The following SLC9C1 variants were observed in gnomAD, a reference collection of about 807,000 sequenced individuals.
SLC9C1 encodes sodium/hydrogen exchanger 10.
Under a neutral mutation model 140.9 loss-of-function variants are expected in SLC9C1, and 97 were observed. The observed-to-expected ratio is 0.69, with a 90% CI of 0.58 to 0.82. The LOEUF is 0.82. SLC9C1 is among the 40% of genes least tolerant of loss of function. SLC9C1 has a pLI of 0.00. For missense variants in SLC9C1, 1,340 were observed against 1,389.3 expected, an observed-to-expected ratio of 0.96 and a Z score of 0.56; for synonymous variants, 440 against 442.6, an observed-to-expected ratio of 0.99 and a Z score of 0.07.
At position 112,245,031 on chromosome 3, in the gene SLC9C1, C is replaced by G. The variant is rs548770160; in HGVS notation, c.1198-955G>C. Among the ~76,000 whole-genome samples, 4 of 152,304 alleles carry G rather than the reference C, an allele frequency of 2.6e-5. No homozygotes were observed. In the East Asian group the frequency reaches 7.7e-4, roughly 29 times the overall value. On this transcript the variant is annotated intron_variant, in intron 10 of 28. Transcript: ENST00000305815. The stretch of plus-strand genomic sequence containing the variant: ...CTACTCATATAACTCTCAATCCTAT[C>G]AAGATGCAAAATATCTCACATCCCC...
In SLC9C1 at chr3:112,236,212, C is replaced by T. The variant is rs141857672; in HGVS notation, c.1446+3628G>A. Among the ~76,000 whole-genome samples the T allele has an allele frequency of 4.0e-3, 604 of 152,108 alleles. 6 individuals are homozygous for T. Among genetic ancestry groups the T allele is most frequent in the African/African-American group, 0.013 (557 of 41,494 alleles). ...TTTAGTCTTGGGAGGGTGCATGTGTCGAGGAATTTATCCATTTCTTCTAGA... is the reference window on the plus strand; with the variant it reads ...TTTAGTCTTGGGAGGGTGCATGTGTTGAGGAATTTATCCATTTCTTCTAGA... On this transcript the variant is annotated intron_variant, in intron 12 of 28. Coordinates refer to ENST00000305815, the MANE Select transcript of SLC9C1 (RefSeq NM_183061.3).
At chr3:112,214,387 G>A (rs574073043) in intron 15 of SLC9C1, among the ~76,000 whole-genome samples, 1 of 151,864 alleles carries the variant, frequency 6.6e-6, no homozygotes, top group African/African-American at 2.4e-5. Flanking sequence ...ATAGAGACAC[G>A]AAAAACCGTT....
intron 23 of SLC9C1, among the ~76,000 whole-genome samples, chr3:112,177,870 C>G (rs1382947735): frequency 1.3e-5 from 2 of 149,686 alleles, no homozygotes; most frequent in Non-Finnish European, 3.0e-5. Context: ...GTGTTTTATG[C>G]AAATTCCAGG....
intron 28 of SLC9C1, among the ~76,000 whole-genome samples, chr3:112,145,198 A>G (rs758049857): frequency 5.3e-5 from 8 of 150,658 alleles, no homozygotes; most frequent in East Asian, 1.9e-4. Flanking sequence ...AGCTTTCTCT[A>G]TGTCTATGGA....
intron 15 of SLC9C1, among the ~76,000 whole-genome samples, chr3:112,211,473 C>T (rs996621031): frequency 4.6e-5 from 7 of 152,242 alleles, no homozygotes; most frequent in African/African-American, 1.4e-4. Flanking sequence ...GAAGCTGTGA[C>T]AGATGAAATC....
At chr3:112,170,990 G>A (rs537807333) in intron 23 of SLC9C1, among the ~76,000 whole-genome samples, 51 of 152,254 alleles carry the variant, frequency 3.3e-4, no homozygotes, top group Non-Finnish European at 5.4e-4. Flanking sequence ...GAGGCGGGCT[G>A]AGCCCCTGAG....
intron 19 of SLC9C1, among the ~76,000 whole-genome samples, chr3:112,200,433 A>T (rs1431692479): frequency 6.6e-6 from 1 of 152,116 alleles, no homozygotes; most frequent in Non-Finnish European, 1.5e-5. Flanking sequence ...AATTTACAAG[A>T]CTATAATGAC....
rs1027479555 is a variant in SLC9C1 at position 112,280,787 on chromosome 3, C to T, written c.89-4G>A. 1.2e-6 allele frequency: 2 copies of T among 1,606,092 alleles called. No individual in the cohort carries two copies. Among genetic ancestry groups the T allele is most frequent in the Admixed American group, 1.7e-5 (1 of 57,766 alleles). On this transcript the variant is annotated splice_polypyrimidine_tract_variant and splice_region_variant and intron_variant, in intron 2 of 28. Coordinates refer to ENST00000305815, the MANE Select transcript of SLC9C1 (RefSeq NM_183061.3). ...TCCAAGTGCCGGTTCAAAAATGCTGCAAAAAATATGTTGTTACTGAAAGGC... is the reference window on the plus strand; with the variant it reads ...TCCAAGTGCCGGTTCAAAAATGCTGTAAAAAATATGTTGTTACTGAAAGGC...
intron 10 of SLC9C1, among the ~76,000 whole-genome samples, chr3:112,257,496 T>C (rs909162602): frequency 2.0e-5 from 3 of 152,112 alleles, no homozygotes; most frequent in Non-Finnish European, 4.4e-5. Flanking sequence ...TAGCTAGCCA[T>C]ATACAGAAGG....
chr3:112,221,271 G>T, intron 13 of SLC9C1, 46 bp from the exon 14 acceptor site: 23 of 1,490,704 alleles, frequency 1.5e-5, no homozygotes, highest in Non-Finnish European at 2.0e-5. Flanking sequence ...GAATAACGAT[G>T]ACAACTTATT....
At chr3:112,253,247 T>C (rs2079513270) in intron 10 of SLC9C1, among the ~76,000 whole-genome samples, 1 of 152,154 alleles carries the variant, frequency 6.6e-6, no homozygotes, top group South Asian at 2.1e-4. Flanking sequence ...GCTAAGGTCA[T>C]TTCCACTGTT....
chr3:112,228,313 T>A (rs2078733986), intron 13 of SLC9C1, among the ~76,000 whole-genome samples: 1 of 152,112 alleles, frequency 6.6e-6, no homozygotes, highest in Non-Finnish European at 1.5e-5. Flanking sequence ...AACAGTCTCT[T>A]CAATAAATAG....
At chr3:112,224,124 C>G (rs72946208) in intron 13 of SLC9C1, among the ~76,000 whole-genome samples, 3,239 of 152,282 alleles carry the variant, frequency 0.021, 114 homozygotes, top group African/African-American at 0.074. Context: ...CTCCCTCATT[C>G]ACAAGGGAGC....
intron 8 of SLC9C1, among the ~76,000 whole-genome samples, chr3:112,264,626 G>A (rs2079868893): frequency 6.6e-6 from 1 of 151,876 alleles, no homozygotes; most frequent in South Asian, 2.1e-4. Context: ...GCAGAATCGT[G>A]AGAATTTAGG....
intron 10 of SLC9C1, among the ~76,000 whole-genome samples, chr3:112,252,945 G>C (rs2079504331): frequency 6.6e-6 from 1 of 152,130 alleles, no homozygotes; most frequent in African/African-American, 2.4e-5. Flanking sequence ...CAAAGGGAGG[G>C]GGAGGAGCAG....
intron 1 of SLC9C1, among the ~76,000 whole-genome samples, chr3:112,293,834 CAA>C (rs1442399953): frequency 2.0e-5 from 3 of 152,172 alleles, no homozygotes; most frequent in Non-Finnish European, 2.9e-5. Flanking sequence ...GGATAGTTCA[CAA>C]AGAGTTGATG....
intron 12 of SLC9C1, among the ~76,000 whole-genome samples, chr3:112,238,493 C>A (rs2079053252): frequency 6.6e-6 from 1 of 152,174 alleles, no homozygotes; most frequent in Non-Finnish European, 1.5e-5. Flanking sequence ...TTTTCTGTTG[C>A]TGGTGAGGAG....
intron 26 of SLC9C1, among the ~76,000 whole-genome samples, chr3:112,160,774 G>T (rs1273294718): frequency 6.6e-6 from 1 of 151,118 alleles, no homozygotes; most frequent in Non-Finnish European, 1.5e-5. Flanking sequence ...TAGTCCTTTG[G>T]GTATATACCC....
At position 112,287,967 on chromosome 3, in the gene SLC9C1, G is replaced by A. The variant is rs577973492; in HGVS notation, c.-87-1089C>T. 9.3e-5 allele frequency among the ~76,000 whole-genome samples: 14 copies of A among 150,666 alleles called. No homozygotes were observed. In the South Asian group the frequency reaches 1.3e-3, roughly 14 times the overall value. ...CTGAGGCAGGAAAATGGCGTGAACC[G>A]GGGAGGCGGAGCTTGCAGTGAGCCG... On this transcript the variant is annotated intron_variant, in intron 1 of 28. Coordinates refer to ENST00000305815, the MANE Select transcript of SLC9C1 (RefSeq NM_183061.3).
Sources: gnomAD v4.1 joint callset for allele counts (sites outside exome capture counted in the v4.1 genomes callset) on GRCh38, gnomAD v4.1.1 for gene constraint, MANE v1.5 for transcripts, NCBI Gene and HGNC (gene_info 2026-07-23, HGNC 2026-07-21) for gene names.